The following THSD7A variants were observed in gnomAD, a reference collection of about 807,000 sequenced individuals.
THSD7A encodes the protein thrombospondin type-1 domain-containing protein 7A.
In THSD7A, 96 loss-of-function variants were observed where a neutral mutation model predicts 231.3. The observed-to-expected ratio is 0.41, with a 90% CI of 0.35 to 0.49. The LOEUF is 0.49. Among genes scored for constraint, THSD7A ranks in the 20% least tolerant of loss-of-function variants. The probability of loss-of-function intolerance (pLI) is 0.05; values close to 1 mark genes in which losing one functional copy is unlikely to be tolerated. For synonymous variants in THSD7A, 940 were observed against 743.3 expected, an observed-to-expected ratio of 1.26 and a Z score of -4.30; for missense variants, 2,290 against 2,070.2, an observed-to-expected ratio of 1.11 and a Z score of -2.06.
intron 2 of THSD7A, among the ~76,000 whole-genome samples, chr7:11,596,937 C>A (rs1040960903): frequency 6.6e-6 from 1 of 152,244 alleles, no homozygotes; most frequent in African/African-American, 2.4e-5. Context: ...GCAAGGCCAG[C>A]AGTATACCTT....
Position 11,634,806 on chromosome 7 carries a change from C to T in THSD7A, c.1022+1324G>A, listed in dbSNP as rs1301289246. Reference sequence around the variant, plus strand: ...ATTCCAAAAAACAGTAACCAGAACTCTATGATGAGAGAAAGTTATTGTCTT... The same window carrying T: ...ATTCCAAAAAACAGTAACCAGAACTTTATGATGAGAGAAAGTTATTGTCTT... On this transcript the variant is annotated intron_variant, in intron 2 of 27. Coordinates refer to ENST00000423059, the MANE Select transcript of THSD7A (RefSeq NM_015204.3). This position sits in a 1 kb window ranked among gnomAD's most constrained non-coding sequence, Gnocchi z 4.1. Among the ~76,000 whole-genome samples the T allele has an allele frequency of 6.6e-6, 1 of 152,170 alleles. No homozygotes were observed. Among genetic ancestry groups the T allele is most frequent in the East Asian group, 1.9e-4 (1 of 5,176 alleles).
At chr7:11,767,493 C>G (rs967740183) in intron 1 of THSD7A, among the ~76,000 whole-genome samples, 1 of 152,168 alleles carries the variant, frequency 6.6e-6, no homozygotes, top group Non-Finnish European at 1.5e-5. Flanking sequence ...TACACATTAA[C>G]GAAATCTACT....
intron 1 of THSD7A, among the ~76,000 whole-genome samples, chr7:11,762,525 G>A (rs989001496): frequency 3.3e-5 from 5 of 152,098 alleles, no homozygotes; most frequent in African/African-American, 1.2e-4. Context: ...CCGCTCAGGT[G>A]TCTTCTTCTG....
At chr7:11,454,932 C>T (rs182051690) in intron 11 of THSD7A, among the ~76,000 whole-genome samples, 145 of 152,020 alleles carry the variant, frequency 9.5e-4, no homozygotes, top group Admixed American at 4.3e-3. Context: ...TTTAAAAGTT[C>T]GGATCCTGCA....
intron 16 of THSD7A, among the ~76,000 whole-genome samples, chr7:11,418,704 G>C (rs1384483543): frequency 2.0e-5 from 3 of 152,134 alleles, no homozygotes; most frequent in Non-Finnish European, 2.9e-5. Context: ...CAGTGCTGCT[G>C]AACTTAGGAA....
intron 1 of THSD7A, among the ~76,000 whole-genome samples, chr7:11,826,062 T>C (rs79653360): frequency 0.03 from 4,638 of 152,268 alleles, 102 homozygotes; most frequent in South Asian, 0.08. Flanking sequence ...ACTATTAGCA[T>C]AAGTACACAA....
At chr7:11,495,832 G>T (rs1281559100) in intron 6 of THSD7A, among the ~76,000 whole-genome samples, 3 of 152,014 alleles carry the variant, frequency 2.0e-5, no homozygotes, top group Non-Finnish European at 4.4e-5. Context: ...GAGTTTGGAT[G>T]GACTTACAAA....
intron 6 of THSD7A, among the ~76,000 whole-genome samples, chr7:11,487,665 A>G (rs1026476413): frequency 4.6e-5 from 7 of 152,138 alleles, no homozygotes; most frequent in Non-Finnish European, 1.0e-4. Flanking sequence ...AAGACAGAGA[A>G]GAAGGAAAGG....
Position 11,375,584 on chromosome 7 carries a change from C to G in THSD7A, c.*210G>C. On this transcript the variant is annotated 3_prime_UTR_variant, in exon 28 of 28. Coordinates refer to ENST00000423059, the MANE Select transcript of THSD7A (RefSeq NM_015204.3). ...TGCAGCATGTATTCAGCTAAATCTC[C>G]TATAATTCTCACGGTTGATGGTCTG... is the stretch of plus-strand genomic sequence containing the variant. 1 of 391,596 alleles carries G rather than the reference C, an allele frequency of 2.6e-6. No homozygotes were observed. Among genetic ancestry groups the G allele is most frequent in the South Asian group, 9.9e-5 (1 of 10,088 alleles). The allele number at this position is 391,596 out of a possible 1,614,324, so 24.3% of individuals were successfully genotyped here.
chr7:11,493,802 T>A (rs1434677304), intron 6 of THSD7A, among the ~76,000 whole-genome samples: 1 of 152,072 alleles, frequency 6.6e-6, no homozygotes, highest in East Asian at 1.9e-4. Flanking sequence ...TGTTTCATGG[T>A]CATCTATGAA....
At chr7:11,676,220 AC>A (rs1458793448) in intron 1 of THSD7A, among the ~76,000 whole-genome samples, 2 of 152,184 alleles carry the variant, frequency 1.3e-5, no homozygotes, top group African/African-American at 4.8e-5. Context: ...AATAGCATCA[AC>A]ATCTAAAAAA....
chr7:11,618,966 C>T (rs1781214155), intron 2 of THSD7A, among the ~76,000 whole-genome samples: 1 of 151,552 alleles, frequency 6.6e-6, no homozygotes, highest in African/African-American at 2.4e-5. Context: ...TTTAATGAAT[C>T]GTTCTCAATC....
At chr7:11,506,136 C>T (rs994633271) in intron 6 of THSD7A, among the ~76,000 whole-genome samples, 5 of 152,172 alleles carry the variant, frequency 3.3e-5, no homozygotes, top group Non-Finnish European at 5.9e-5. Flanking sequence ...GGACCACAGG[C>T]ATGTGACACC....
intron 4 of THSD7A, among the ~76,000 whole-genome samples, chr7:11,572,227 T>A (rs984808014): frequency 6.6e-6 from 1 of 152,076 alleles, no homozygotes; most frequent in East Asian, 1.9e-4. Flanking sequence ...TTTACTTTGT[T>A]TTCCCTCCAA....
intron 6 of THSD7A, among the ~76,000 whole-genome samples, chr7:11,537,886 G>GTAAT (rs1189020692): frequency 6.6e-6 from 1 of 152,156 alleles, no homozygotes; most frequent in Non-Finnish European, 1.5e-5. Context: ...CTTAGACATA[G>GTAAT]GCCTTCTTCA....
In THSD7A at chr7:11,447,408, C is replaced by T; in HGVS notation, c.2622G>A (p.Lys874=). The change falls in exon 12 of 28, where the codon AAG becomes AAA. Residue 874 remains lysine, a synonymous_variant. Transcript: ENST00000423059. ...GGATTCCAGCCTGTCCTCCATCTTG[C>T]TTGCGACAAGTAATGGCTAAAAGAA... The part of the protein sequence containing the change: ...GRQARAITCR[K]QDGGQAGIHE... 6.4e-7 allele frequency: 1 copy of T among 1,569,332 alleles called. No individual in the cohort carries two copies. The highest frequency in any genetic ancestry group is 1.2e-5 in the South Asian group (1 of 84,880).
At chr7:11,704,404 G>A (rs1450872142) in intron 1 of THSD7A, among the ~76,000 whole-genome samples, 1 of 150,802 alleles carries the variant, frequency 6.6e-6, no homozygotes, top group Non-Finnish European at 1.5e-5. Flanking sequence ...TCATGTAGAA[G>A]GTATAATTTA....
rs1041265095 is a variant in THSD7A at position 11,373,807 on chromosome 7, T to TTAAGA, written c.*1982_*1986dup. 1.3e-5 allele frequency: 2 copies of TTAAGA among 152,078 alleles called. No homozygotes were observed. Among genetic ancestry groups the TTAAGA allele is most frequent in the African/African-American group, 4.8e-5 (2 of 41,422 alleles). The allele number at this position is 152,078 out of a possible 1,614,324, so 9.4% of individuals were successfully genotyped here. A position where few individuals can be genotyped will look rare whatever the true frequency, so the allele number is the denominator to read the frequency against. ...AACACTTTTACAGGAACACAGCTGT[T>TTAAGA]TAAGATAAAATAGCATGTTAGTTAT... On this transcript the variant is annotated 3_prime_UTR_variant, in exon 28 of 28. Coordinates refer to ENST00000423059, the MANE Select transcript of THSD7A (RefSeq NM_015204.3).
chr7:11,683,728 T>C (rs965183930), intron 1 of THSD7A, among the ~76,000 whole-genome samples: 1 of 151,750 alleles, frequency 6.6e-6, no homozygotes, highest in Non-Finnish European at 1.5e-5. Flanking sequence ...GAATGAGTGA[T>C]AAAAAAACTA....
Sources: allele counts gnomAD v4.1 joint callset (sites outside exome capture counted in the v4.1 genomes callset), GRCh38; gene constraint gnomAD v4.1.1; non-coding constraint Gnocchi (gnomAD v3.1); transcripts MANE v1.5; gene names NCBI Gene and HGNC (gene_info 2026-07-23, HGNC 2026-07-21).